The following SORBS2 variants were observed in gnomAD, a reference collection of about 807,000 sequenced individuals.
SORBS2 encodes the protein sorbin and SH3 domain containing 2.
A neutral mutation model predicts 97.7 loss-of-function variants in SORBS2; 46 were observed. That is an observed-to-expected ratio of 0.47 (90% CI 0.37 to 0.60). The LOEUF is 0.60. SORBS2 is among the 20% of genes least tolerant of loss of function. SORBS2 has a pLI of 0.00. For synonymous variants in SORBS2, 476 were observed against 473.4 expected, an observed-to-expected ratio of 1.01 and a Z score of -0.07; for missense variants, 1,316 against 1,282.3, an observed-to-expected ratio of 1.03 and a Z score of -0.40.
chr4:185,901,402 C>T (rs1012282644), intron 1 of SORBS2, among the ~76,000 whole-genome samples: 1 of 152,130 alleles, frequency 6.6e-6, no homozygotes, highest in African/African-American at 2.4e-5. Context: ...CGGGGTTTCT[C>T]CATGGTGGTC....
intron 2 of SORBS2, among the ~76,000 whole-genome samples, chr4:185,699,831 T>C (rs999273004): frequency 6.6e-6 from 1 of 152,336 alleles, no homozygotes; most frequent in East Asian, 1.9e-4. Context: ...TATTCAGAAA[T>C]GTATTATTAA....
At chr4:185,642,475 A>C (rs1052358099) in intron 4 of SORBS2, among the ~76,000 whole-genome samples, 1 of 152,158 alleles carries the variant, frequency 6.6e-6, no homozygotes, top group African/African-American at 2.4e-5. Context: ...AGGTTTTAGT[A>C]ATATAATCCC....
At chr4:185,714,767 T>C (rs1301357009) in intron 2 of SORBS2, among the ~76,000 whole-genome samples, 2 of 152,158 alleles carry the variant, frequency 1.3e-5, no homozygotes, top group Non-Finnish European at 2.9e-5. Context: ...ATGTATTCAC[T>C]ACCACGAGAA....
At chr4:185,899,842 C>A (rs1390687190) in intron 1 of SORBS2, among the ~76,000 whole-genome samples, 1 of 152,100 alleles carries the variant, frequency 6.6e-6, no homozygotes, top group Admixed American at 6.5e-5. Context: ...ATACTGGACG[C>A]CATGGAAGAC....
At chr4:185,944,122 T>C (rs910661372) in intron 1 of SORBS2, among the ~76,000 whole-genome samples, 1 of 152,216 alleles carries the variant, frequency 6.6e-6, no homozygotes, top group Non-Finnish European at 1.5e-5. Flanking sequence ...TCTCCTGTAA[T>C]ATAACTGATC....
At chr4:185,613,972 G>T (rs2153408399) in intron 11 of SORBS2, among the ~76,000 whole-genome samples, 1 of 152,190 alleles carries the variant, frequency 6.6e-6, no homozygotes, top group Non-Finnish European at 1.5e-5. Context: ...CCTGGCTAAG[G>T]ATTTCACTAG....
intron 4 of SORBS2, among the ~76,000 whole-genome samples, chr4:185,676,307 G>A (rs4640708): frequency 0.86 from 130,858 of 152,176 alleles, 56,839 homozygotes; most frequent in South Asian, 0.92. Context: ...CTTAAAGTTT[G>A]TGCTTTTAGC....
intron 2 of SORBS2, among the ~76,000 whole-genome samples, chr4:185,746,117 A>G (rs1027074196): frequency 6.6e-6 from 1 of 152,170 alleles, no homozygotes; most frequent in Non-Finnish European, 1.5e-5. Flanking sequence ...TACAGGAGAC[A>G]ATGTTTTCTC....
Position 185,684,577 on chromosome 4 carries a change from A to T in SORBS2, c.-197-5755T>A, listed in dbSNP as rs1011425746. Among the ~76,000 whole-genome samples, 7 of 152,134 alleles carry T rather than the reference A, an allele frequency of 4.6e-5. No individual in the cohort carries two copies. Among genetic ancestry groups the T allele is most frequent in the Non-Finnish European group, 1.0e-4 (7 of 68,030 alleles). On this transcript the variant is annotated intron_variant, in intron 2 of 20. Coordinates refer to the SORBS2 transcript ENST00000284776. The surrounding 1 kb of genome is among the most constrained non-coding windows in gnomAD (Gnocchi z 4.2). The stretch of plus-strand genomic sequence containing the variant: ...TGAGATAACAAAAACGTGAATAGTT[A>T]TTAACACTCGCAGTTACTCAACCTA...
intron 1 of SORBS2, among the ~76,000 whole-genome samples, chr4:185,889,463 A>G (rs1276702280): frequency 6.6e-6 from 1 of 151,810 alleles, no homozygotes; most frequent in Non-Finnish European, 1.5e-5. Flanking sequence ...CAAATTCATT[A>G]GTGATTTCAT....
At chr4:185,851,980 G>A (rs2099218146) in intron 1 of SORBS2, among the ~76,000 whole-genome samples, 2 of 152,120 alleles carry the variant, frequency 1.3e-5, no homozygotes, top group Admixed American at 6.5e-5. Context: ...ATATAAGACT[G>A]TAGAGAAAAA....
intron 2 of SORBS2, among the ~76,000 whole-genome samples, chr4:185,739,638 G>A (rs2098710161): frequency 6.6e-6 from 1 of 152,142 alleles, no homozygotes; most frequent in Non-Finnish European, 1.5e-5. Flanking sequence ...TTCCCTCTAA[G>A]CTTCTTGGTT....
intron 2 of SORBS2, among the ~76,000 whole-genome samples, chr4:185,728,086 AAACCCAGTGCTTGCTTTCTGAGTC>A (rs2098575148): frequency 6.6e-6 from 1 of 152,168 alleles, no homozygotes; most frequent in Non-Finnish European, 1.5e-5. Context: ...TCTATTGTGA[AAACCCAGTGCTTGCTTTCTGAGTC>A]TGCGGGTCTA....
chr4:185,822,801 C>T (rs1331110439), intron 1 of SORBS2, among the ~76,000 whole-genome samples: 2 of 152,140 alleles, frequency 1.3e-5, no homozygotes, highest in African/African-American at 2.4e-5. Flanking sequence ...TCAGAGTGCG[C>T]TCAGCATTCT....
chr4:185,928,445 C>T (rs1460785355), intron 1 of SORBS2, among the ~76,000 whole-genome samples: 3 of 152,100 alleles, frequency 2.0e-5, no homozygotes, highest in African/African-American at 7.2e-5. Context: ...TGTCTAACTC[C>T]CTGAACAAAG....
intron 1 of SORBS2, among the ~76,000 whole-genome samples, chr4:185,797,340 G>A (rs1039243): frequency 0.85 from 129,150 of 152,190 alleles, 54,850 homozygotes; most frequent in Admixed American, 0.88. Flanking sequence ...CTATCATTTC[G>A]TAATCTTTTC....
At chr4:185,678,950 T>G in intron 2 of SORBS2, 128 bp from the exon 6 acceptor site, 1 of 474,264 alleles carries the variant, frequency 2.1e-6, no homozygotes, top group Non-Finnish European at 3.7e-6. Flanking sequence ...AATCTGGGTA[T>G]GTCAAACATG....
chr4:185,798,173 C>T (rs1402743951), intron 1 of SORBS2, among the ~76,000 whole-genome samples: 2 of 152,072 alleles, frequency 1.3e-5, no homozygotes, highest in African/African-American at 4.8e-5. Context: ...TCCCACATGC[C>T]AGACCTCACC....
At chr4:185,665,925 G>C (rs1185527453) in intron 4 of SORBS2, 2 of 1,218,836 alleles carry the variant, frequency 1.6e-6, no homozygotes, top group Non-Finnish European at 2.1e-6. Context: ...TTGTCAGAGA[G>C]CCTGTGTCGT....
Sources: gnomAD v4.1 joint callset for allele counts (sites outside exome capture counted in the v4.1 genomes callset) on GRCh38, gnomAD v4.1.1 for gene constraint, Gnocchi (gnomAD v3.1) non-coding constraint, MANE v1.5 for transcripts, NCBI Gene and HGNC (gene_info 2026-07-23, HGNC 2026-07-21) for gene names.